ENO4: variants seen among roughly 807,000 people sequenced by gnomAD.
ENO4 encodes enolase 4.
A neutral mutation model predicts 63.2 loss-of-function variants in ENO4; 53 were observed. That is an observed-to-expected ratio of 0.84 (90% confidence interval 0.67 to 1.05). ENO4 has a LOEUF of 1.05. Among genes scored for constraint, ENO4 ranks in the 50% least tolerant of loss-of-function variants. The probability of loss-of-function intolerance (pLI) is 0.00; values close to 1 mark genes in which losing one functional copy is unlikely to be tolerated. For missense variants in ENO4, 719 were observed against 772.0 expected, an observed-to-expected ratio of 0.93 and a Z score of 0.81; for synonymous variants, 266 against 283.8, an observed-to-expected ratio of 0.94 and a Z score of 0.63.
intron 7 of ENO4, among the ~76,000 whole-genome samples, chr10:116,863,390 A>ACACG (rs1554901240): frequency 3.3e-5 from 5 of 151,142 alleles, no homozygotes; most frequent in African/African-American, 4.9e-5. Context: ...ACACACACGC[A>ACACG]CACACCTTTT....
intron 10 of ENO4, among the ~76,000 whole-genome samples, chr10:116,897,825 C>G (rs535117005): frequency 6.6e-6 from 1 of 152,246 alleles, no homozygotes; most frequent in African/African-American, 2.4e-5. Context: ...TTGGAAATAA[C>G]TGGATGCTGC....
chr10:116,888,763 G>C (rs769340039), intron 10 of ENO4, among the ~76,000 whole-genome samples: 3 of 152,086 alleles, frequency 2.0e-5, no homozygotes, highest in Non-Finnish European at 4.4e-5. Context: ...CTATAACAGA[G>C]CCTGCCCTAC....
At chr10:116,857,214 A>G (rs531590673) in intron 3 of ENO4, among the ~76,000 whole-genome samples, 1 of 152,142 alleles carries the variant, frequency 6.6e-6, no homozygotes, top group Admixed American at 6.5e-5. Context: ...CTTTTCATGT[A>G]TAGAGCTTTC....
rs1042496287 is a variant in ENO4 at position 116,882,079 on chromosome 10, A to G, written c.*410A>G. 1 of 155,400 alleles carries G rather than the reference A, an allele frequency of 6.4e-6. No homozygotes were observed. The highest frequency in any genetic ancestry group is 2.4e-5 in the African/African-American group (1 of 41,578). The allele number at this position is 155,400 out of a possible 1,614,324, so 9.6% of individuals were successfully genotyped here. On this transcript the variant is annotated 3_prime_UTR_variant, in exon 14 of 14. Transcript: ENST00000341276. ...GAACAGATGTCCATCTTCTGTGTTT[A>G]TTCTACATGTCTGTGCTGAAAAGCA...
Position 116,876,208 on chromosome 10 carries a change from C to T in ENO4, c.1485C>T (p.His495=). Residue 495 remains histidine (H), a synonymous_variant, in exon 11 of 14, where the codon CAC becomes CAT. Transcript: ENST00000341276. ...AATCCAATGGGCTGATCATAAAACACACAAACCAAACTACAATGTCTGACT... is the reference window on the plus strand; with the variant it reads ...AATCCAATGGGCTGATCATAAAACATACAAACCAAACTACAATGTCTGACT... The part of the protein sequence containing the change: ...IPKSNGLIIK[H]TNQTTMSDLV... 6.5e-7 allele frequency: 1 copy of T among 1,550,084 alleles called. No individual in the cohort carries two copies. The highest frequency in any genetic ancestry group is 8.7e-7 in the Non-Finnish European group (1 of 1,146,822).
At chr10:116,891,702 A>T (rs1021687655) in intron 10 of ENO4, among the ~76,000 whole-genome samples, 1 of 152,118 alleles carries the variant, frequency 6.6e-6, no homozygotes, top group Non-Finnish European at 1.5e-5. Flanking sequence ...TGGAAACCCT[A>T]TTTTTCAGGA....
chr10:116,878,844 C>T (rs180944632), intron 11 of ENO4, among the ~76,000 whole-genome samples: 66 of 146,802 alleles, frequency 4.5e-4, no homozygotes, highest in African/African-American at 1.3e-3. Flanking sequence ...CCCGGGTTCA[C>T]GCCATTCTCC....
At chr10:116,896,176 T>C (rs1383050314) in intron 10 of ENO4, among the ~76,000 whole-genome samples, 1 of 152,226 alleles carries the variant, frequency 6.6e-6, no homozygotes, top group African/African-American at 2.4e-5. Flanking sequence ...AAAATGCTTT[T>C]TTCCTTTATT....
At chr10:116,898,165 TA>T (rs1239697581) in intron 10 of ENO4, among the ~76,000 whole-genome samples, 2 of 151,966 alleles carry the variant, frequency 1.3e-5, no homozygotes, top group Non-Finnish European at 2.9e-5. Context: ...GCGTCTCTAC[TA>T]AAACTACAAA....
chr10:116,879,117 T>C (rs1268800343), intron 11 of ENO4, among the ~76,000 whole-genome samples, 174 bp from the exon 12 acceptor site: 1 of 151,972 alleles, frequency 6.6e-6, no homozygotes, highest in East Asian at 1.9e-4. Flanking sequence ...AAATTGGGGG[T>C]AAACAAACAA....
chr10:116,871,328 A>C, intron 9 of ENO4, 36 bp downstream of exon 9: 1 of 1,495,960 alleles, frequency 6.7e-7, no homozygotes, highest in African/African-American at 1.4e-5. Flanking sequence ...CTTCCTATTG[A>C]GATCCATGAT....
intron 10 of ENO4, among the ~76,000 whole-genome samples, chr10:116,907,047 C>A (rs182719108): frequency 6.6e-6 from 1 of 152,042 alleles, no homozygotes; most frequent in Non-Finnish European, 1.5e-5. Context: ...ACCTGCATAG[C>A]GACGATTAAG....
Position 116,881,719 on chromosome 10 carries a change from G to A in ENO4, c.*50G>A. 1 of 1,341,878 alleles carries A rather than the reference G, an allele frequency of 7.5e-7. No homozygotes were observed. Among genetic ancestry groups the A allele is most frequent in the East Asian group, 2.9e-5 (1 of 34,400 alleles). The allele number at this position is 1,341,878 out of a possible 1,614,324, so 83.1% of individuals were successfully genotyped here. A position where few individuals can be genotyped will look rare whatever the true frequency, so the allele number is the denominator to read the frequency against. On this transcript the variant is annotated 3_prime_UTR_variant, in exon 14 of 14. Coordinates refer to ENST00000341276, the MANE Select transcript of ENO4 (RefSeq NM_001242699.2). ...CCACACCATCAGTATTAGTAGACCG[G>A]GAGGTCTGAAGTACGGCGCCGTGTC...
rs1190503064 is a variant in ENO4, at chr10:116,849,725, G to T, written c.159G>T (p.Gly53=). ...TFYLQPADVY[G]HLANCFSKLA... is the part of the protein sequence containing the mutation. ...ACCTCCAGCCTGCCGACGTCTACGG[G>T]CACCTGGTAGGGACCTGGGACAAGC... Residue 53 remains glycine, a synonymous_variant, in exon 1 of 14, where the codon GGG becomes GGT. Coordinates refer to ENST00000341276, the MANE Select transcript of ENO4 (RefSeq NM_001242699.2). 7 of 1,521,400 alleles carry T rather than the reference G, an allele frequency of 4.6e-6. No homozygotes were observed. Among genetic ancestry groups the T allele is most frequent in the Non-Finnish European group, 6.2e-6 (7 of 1,132,362 alleles). The allele number at this position is 1,521,400 out of a possible 1,614,324, so 94.2% of individuals were successfully genotyped here.
At chr10:116,904,128 G>GACTC (rs1271565899) in intron 10 of ENO4, among the ~76,000 whole-genome samples, 3 of 152,086 alleles carry the variant, frequency 2.0e-5, no homozygotes, top group Admixed American at 6.6e-5. Context: ...CTCTACTTGT[G>GACTC]ACTTCACATT....
intron 1 of ENO4, among the ~76,000 whole-genome samples, chr10:116,855,274 A>G (rs1846231176): frequency 6.6e-6 from 1 of 152,210 alleles, no homozygotes; most frequent in South Asian, 2.1e-4. Flanking sequence ...GCCTGGCAAC[A>G]GAGTGAGACC....
intron 3 of ENO4, among the ~76,000 whole-genome samples, chr10:116,857,685 C>T (rs749417968): frequency 3.9e-4 from 58 of 150,094 alleles, no homozygotes; most frequent in Non-Finnish European, 7.4e-4. Flanking sequence ...GTCACCCAGG[C>T]TGGAGTGCAG....
chr10:116,879,356 T>A lies in ENO4; in HGVS notation c.1603T>A (p.Leu535Met), dbSNP rs759754005. ...GESSDDSLVDLAVGLGVRFIK... is the reference protein window; with the variant it reads ...GESSDDSLVDMAVGLGVRFIK... Reference sequence around the variant, plus strand: ...ATCATCTGATGACAGCCTTGTCGATTTGGTAAGTGCTGAATGCTGGTCAAC... The same window carrying A: ...ATCATCTGATGACAGCCTTGTCGATATGGTAAGTGCTGAATGCTGGTCAAC... Residue 535 changes from leucine (L) to methionine (M), a missense_variant and splice_region_variant, in exon 12 of 14, where the codon TTG (leucine) becomes ATG (methionine). By Grantham distance (15) the Leu-to-Met change is conservative (BLOSUM62 2). This residue lies in a region of ENO4 where 168 missense variants were observed against 163.3 expected (regional missense o/e 1.03). Transcript: ENST00000341276. 68 of 1,549,118 alleles carry A rather than the reference T, an allele frequency of 4.4e-5. No individual in the cohort carries two copies. The highest frequency in any genetic ancestry group is 1.7e-5 in the Non-Finnish European group (19 of 1,145,834).
intron 7 of ENO4, 55 bp from the exon 8 acceptor site, chr10:116,868,595 T>C: frequency 6.8e-7 from 1 of 1,475,658 alleles, no homozygotes; most frequent in Non-Finnish European, 9.3e-7. Context: ...CTTTGCTTGC[T>C]GCCACAGCCA....
Sources: gnomAD v4.1 joint callset for allele counts (sites outside exome capture counted in the v4.1 genomes callset) on GRCh38, gnomAD v4.1.1 for gene constraint, gnomAD v4.1.1 regional missense constraint, MANE v1.5 for transcripts, NCBI Gene and HGNC (gene_info 2026-07-23, HGNC 2026-07-21) for gene names.